Variants in CNTNAP2 observed in about 807,000 individuals in gnomAD.
CNTNAP2 encodes the protein contactin-associated protein-like 2.
Under a neutral mutation model 155.2 loss-of-function variants are expected in CNTNAP2, and 98 were observed. The observed-to-expected ratio is 0.63, with a 90% confidence interval of 0.54 to 0.75. CNTNAP2 has a LOEUF of 0.75. Among genes scored for constraint, CNTNAP2 ranks in the 30% least tolerant of loss-of-function variants. The pLI is 0.00. For synonymous variants in CNTNAP2, 651 were observed against 631.2 expected, an observed-to-expected ratio of 1.03 and a Z score of -0.47; for missense variants, 1,727 against 1,688.1, an observed-to-expected ratio of 1.02 and a Z score of -0.40.
intron 2 of CNTNAP2, among the ~76,000 whole-genome samples, chr7:146,831,581 C>T (rs1359064894): frequency 7.0e-6 from 1 of 142,292 alleles, no homozygotes; most frequent in East Asian, 2.1e-4. Flanking sequence ...GAGGCTGAGG[C>T]AGGAGAATCG....
intron 1 of CNTNAP2, among the ~76,000 whole-genome samples, chr7:146,147,024 A>T (rs1296601552): frequency 6.6e-6 from 1 of 152,186 alleles, no homozygotes; most frequent in Non-Finnish European, 1.5e-5. Context: ...TAAAAGAAAG[A>T]AGCTGTGTAA....
chr7:147,487,565 C>T (rs889754368), intron 11 of CNTNAP2, among the ~76,000 whole-genome samples: 2 of 152,138 alleles, frequency 1.3e-5, no homozygotes, highest in African/African-American at 4.8e-5. Flanking sequence ...TACGATAATG[C>T]TAACCAATGG....
intron 4 of CNTNAP2, among the ~76,000 whole-genome samples, chr7:147,056,443 T>G (rs1290198190): frequency 6.6e-6 from 1 of 152,156 alleles, no homozygotes; most frequent in Non-Finnish European, 1.5e-5. Flanking sequence ...CCAAATCCTT[T>G]TACAGGGTTT....
At chr7:146,622,281 A>ATC (rs780773842) in intron 1 of CNTNAP2, among the ~76,000 whole-genome samples, 6,301 of 126,224 alleles carry the variant, frequency 0.05, 308 homozygotes, top group African/African-American at 0.15. Context: ...CTATCTATCT[A>ATC]TATATATATA....
intron 3 of CNTNAP2, among the ~76,000 whole-genome samples, chr7:146,957,700 C>A (rs1263895603): frequency 6.6e-6 from 1 of 152,150 alleles, no homozygotes; most frequent in African/African-American, 2.4e-5. Flanking sequence ...GGAGCCCGTT[C>A]TCCATGTCGT....
chr7:148,374,473 T>A (rs556012155), intron 21 of CNTNAP2, among the ~76,000 whole-genome samples: 1 of 152,312 alleles, frequency 6.6e-6, no homozygotes, highest in African/African-American at 2.4e-5. Flanking sequence ...TAGTTTCAAA[T>A]GACCCTCTGC....
chr7:146,153,338 C>T (rs73452047), intron 1 of CNTNAP2, among the ~76,000 whole-genome samples: 1 of 152,112 alleles, frequency 6.6e-6, no homozygotes, highest in African/African-American at 2.4e-5. Context: ...TTAGTATGAA[C>T]TGATACTCAC....
At chr7:148,229,171 C>T (rs1444221954) in intron 19 of CNTNAP2, among the ~76,000 whole-genome samples, 3 of 152,272 alleles carry the variant, frequency 2.0e-5, no homozygotes, top group East Asian at 3.9e-4. Context: ...CCTCTGAGCT[C>T]GTGAATCCAA....
At chr7:148,331,677 T>C (rs1359844387) in intron 21 of CNTNAP2, among the ~76,000 whole-genome samples, 6 of 149,640 alleles carry the variant, frequency 4.0e-5, no homozygotes, top group East Asian at 2.0e-4. Context: ...ATGGAGTGGA[T>C]GGATGGAATG....
Position 148,180,827 on chromosome 7 carries a change from A to G in CNTNAP2, c.3010+8349A>G, listed in dbSNP as rs574829166. ...GGTGCTTTAGCCCCTACACCTAGAA[A>G]TCTGTAAAGCATTACTTTGAGGTGG... is the stretch of plus-strand genomic sequence containing the variant. On this transcript the variant is annotated intron_variant, in intron 18 of 23. Coordinates refer to ENST00000361727, the MANE Select transcript of CNTNAP2 (RefSeq NM_014141.6). 1.1e-4 allele frequency among the ~76,000 whole-genome samples: 16 copies of G among 152,244 alleles called. No homozygotes were observed. The South Asian group carries it at 3.3e-3, about 32-fold the overall frequency.
chr7:148,070,739 A>G (rs78595998), intron 15 of CNTNAP2, among the ~76,000 whole-genome samples: 12,574 of 152,202 alleles, frequency 0.083, 932 homozygotes, highest in African/African-American at 0.2. Flanking sequence ...TTAATTAATT[A>G]AATTAAATAA....
chr7:146,694,752 C>A (rs1316859173), intron 1 of CNTNAP2, among the ~76,000 whole-genome samples: 1 of 152,142 alleles, frequency 6.6e-6, no homozygotes, highest in Non-Finnish European at 1.5e-5. Flanking sequence ...TTATTCAAAT[C>A]ATCTTTGATT....
At chr7:148,151,749 A>C (rs917321897) in intron 17 of CNTNAP2, among the ~76,000 whole-genome samples, 1 of 152,200 alleles carries the variant, frequency 6.6e-6, no homozygotes, top group Non-Finnish European at 1.5e-5. Context: ...TATTGACTTG[A>C]AATGTGATCA....
At chr7:146,954,804 G>A (rs1033078296) in intron 3 of CNTNAP2, among the ~76,000 whole-genome samples, 5 of 151,800 alleles carry the variant, frequency 3.3e-5, no homozygotes, top group African/African-American at 1.2e-4. Flanking sequence ...AATTATTTTA[G>A]TATATGATGT....
chr7:146,776,674 G>A (rs528086048), intron 2 of CNTNAP2, among the ~76,000 whole-genome samples: 179 of 152,180 alleles, frequency 1.2e-3, no homozygotes, highest in African/African-American at 4.2e-3. Flanking sequence ...AATTTATTCT[G>A]CCTTTGGTTT....
intron 1 of CNTNAP2, among the ~76,000 whole-genome samples, chr7:146,564,549 CAAAT>C (rs1476329379): frequency 6.8e-6 from 1 of 147,332 alleles, no homozygotes; most frequent in Non-Finnish European, 1.5e-5. Flanking sequence ...ATGTAGTTTG[CAAAT>C]AAATATTATA....
chr7:147,067,449 G>A (rs1299968278), intron 4 of CNTNAP2, among the ~76,000 whole-genome samples: 1 of 152,102 alleles, frequency 6.6e-6, no homozygotes, highest in Non-Finnish European at 1.5e-5. Context: ...TGGGCAATGA[G>A]GGATTAGATC....
chr7:146,192,215 A>G (rs773212155), intron 1 of CNTNAP2, among the ~76,000 whole-genome samples: 4 of 152,182 alleles, frequency 2.6e-5, no homozygotes, highest in Admixed American at 6.5e-5. Flanking sequence ...TTTATTTAGT[A>G]CGTTTAAAAT....
chr7:148,215,112 G>T (rs1487303820), intron 18 of CNTNAP2, among the ~76,000 whole-genome samples: 3 of 152,132 alleles, frequency 2.0e-5, no homozygotes, highest in Non-Finnish European at 2.9e-5. Context: ...CCGTAACAGT[G>T]CCATGGTGGA....
Sources: allele counts gnomAD v4.1 joint callset (sites outside exome capture counted in the v4.1 genomes callset), GRCh38; gene constraint gnomAD v4.1.1; transcripts MANE v1.5; gene names NCBI Gene and HGNC (gene_info 2026-07-23, HGNC 2026-07-21).